The following CACNA1E variants were observed in gnomAD, a reference collection of about 807,000 sequenced individuals.
CACNA1E encodes voltage-dependent R-type calcium channel subunit alpha-1E.
In CACNA1E, 40 loss-of-function variants were observed where a neutral mutation model predicts 259.2. The observed-to-expected ratio is 0.15, with a 90% CI of 0.12 to 0.20. CACNA1E has a LOEUF of 0.20. Among genes scored for constraint, CACNA1E ranks in the 10% least tolerant of loss-of-function variants. The pLI is 1.00. For synonymous variants in CACNA1E, 1,104 were observed against 1,138.5 expected, an observed-to-expected ratio of 0.97 and a Z score of 0.61; for missense variants, 1,874 against 3,040.1, an observed-to-expected ratio of 0.62 and a Z score of 9.02.
intron 7 of CACNA1E, among the ~76,000 whole-genome samples, chr1:181,658,143 A>G (rs1659359676): frequency 6.6e-6 from 1 of 152,254 alleles, no homozygotes; most frequent in Admixed American, 6.5e-5. Context: ...TGTGGTGCCA[A>G]CAAAAGCCAC....
chr1:181,718,214 C>A, intron 12 of CACNA1E, 47 bp downstream of exon 12: 1 of 962,510 alleles, frequency 1.0e-6, no homozygotes, highest in Non-Finnish European at 1.7e-6. Context: ...TGTTGATATG[C>A]CCTGGTTTTA....
chr1:181,596,597 T>TGTGTGTGTGTGTGTGC (rs1553293354), intron 6 of CACNA1E, among the ~76,000 whole-genome samples: 1 of 144,636 alleles, frequency 6.9e-6, no homozygotes. Context: ...TGTGTGTGTG[T>TGTGTGTGTGTGTGTGC]ACACACACAT....
chr1:181,375,425 A>G (rs1039170872), intron 1 of CACNA1E, among the ~76,000 whole-genome samples: 3 of 152,150 alleles, frequency 2.0e-5, no homozygotes, highest in Non-Finnish European at 4.4e-5. Flanking sequence ...TTGAGCCAAG[A>G]CCTCTGGGGA....
At chr1:181,698,246 C>A (rs1378819481) in intron 7 of CACNA1E, among the ~76,000 whole-genome samples, 1 of 152,164 alleles carries the variant, frequency 6.6e-6, no homozygotes, top group African/African-American at 2.4e-5. Context: ...ATCCTTGATG[C>A]AAATGTCTGA....
intron 3 of CACNA1E, among the ~76,000 whole-genome samples, chr1:181,555,750 G>A (rs1011376540): frequency 1.2e-4 from 19 of 152,208 alleles, no homozygotes; most frequent in Admixed American, 7.9e-4. Flanking sequence ...ACAAGATGAT[G>A]TATTTATGTA....
At chr1:181,498,251 CTT>C (rs1465247826) in intron 1 of CACNA1E, among the ~76,000 whole-genome samples, 1 of 152,132 alleles carries the variant, frequency 6.6e-6, no homozygotes, top group Non-Finnish European at 1.5e-5. Flanking sequence ...CAGAAAGACT[CTT>C]ATATCCTGAT....
chr1:181,659,463 C>A (rs1181760853), intron 7 of CACNA1E, among the ~76,000 whole-genome samples: 1 of 152,218 alleles, frequency 6.6e-6, no homozygotes, highest in Admixed American at 6.5e-5. Context: ...CAAAGCAGGG[C>A]TGCATAAGCA....
At chr1:181,595,829 C>G (rs537622604) in intron 6 of CACNA1E, among the ~76,000 whole-genome samples, 2 of 152,312 alleles carry the variant, frequency 1.3e-5, no homozygotes, top group South Asian at 4.2e-4. Flanking sequence ...CTGCCTGCCA[C>G]TTGGCGCTAC....
At chr1:181,650,541 T>C (rs1000890666) in intron 6 of CACNA1E, among the ~76,000 whole-genome samples, 70 of 152,268 alleles carry the variant, frequency 4.6e-4, no homozygotes, top group Admixed American at 3.7e-3. Context: ...GTGGTACAGC[T>C]TTTAGAGAGA....
chr1:181,548,851 C>G (rs1647818553), intron 3 of CACNA1E, among the ~76,000 whole-genome samples: 1 of 152,176 alleles, frequency 6.6e-6, no homozygotes. Flanking sequence ...TTGGCTAAGC[C>G]TCTTCCTCTA....
chr1:181,755,488 T>C, intron 28 of CACNA1E, 91 bp downstream of exon 28: 1 of 968,340 alleles, frequency 1.0e-6, no homozygotes, highest in Non-Finnish European at 1.6e-6. Flanking sequence ...CCCTCCTTTC[T>C]ATCTTACCCA....
intron 25 of CACNA1E, among the ~76,000 whole-genome samples, chr1:181,749,798 T>C (rs1212212641): frequency 6.6e-6 from 1 of 152,258 alleles, no homozygotes; most frequent in East Asian, 1.9e-4. Flanking sequence ...CTGCACAGTA[T>C]GCTCACAATG....
chr1:181,721,733 T>C (rs376300476), intron 15 of CACNA1E, 25 bp from the exon 16 acceptor site: 170 of 1,490,580 alleles, frequency 1.1e-4, no homozygotes, highest in Non-Finnish European at 1.5e-4. Flanking sequence ...AGGTTTCTGA[T>C]GCGCCTGTCA....
chr1:181,498,530 C>G (rs560738639), intron 1 of CACNA1E, among the ~76,000 whole-genome samples: 2 of 152,246 alleles, frequency 1.3e-5, no homozygotes, highest in East Asian at 1.9e-4. Context: ...AGTAATTTCA[C>G]CAAAAATGGC....
At chr1:181,380,939 G>A (rs564393133) in intron 1 of CACNA1E, among the ~76,000 whole-genome samples, 79 of 152,322 alleles carry the variant, frequency 5.2e-4, no homozygotes, top group African/African-American at 1.8e-3. Flanking sequence ...AGGCCAAGGC[G>A]GGTGGATCAC....
rs555130729 is a variant in CACNA1E at position 181,735,340 on chromosome 1, G to A, written c.3263-935G>A. On this transcript the variant is annotated intron_variant, in intron 21 of 47. Coordinates refer to ENST00000367573, the MANE Select transcript of CACNA1E (RefSeq NM_001205293.3). ...TCTTTGGTCTTGGTCATAGGTAAAA[G>A]CATGTGATAGGAAGGCTTTTGGATA... is the stretch of plus-strand genomic sequence containing the variant. 7.9e-5 allele frequency among the ~76,000 whole-genome samples: 12 copies of A among 152,382 alleles called. No individual in the cohort carries two copies. In the South Asian group the frequency reaches 2.3e-3, roughly 29 times the overall value.
chr1:181,338,235 G>A lies in CACNA1E; in HGVS notation c.-15+20112G>A, dbSNP rs564120004. 8.1e-4 allele frequency among the ~76,000 whole-genome samples: 123 copies of A among 152,214 alleles called. 1 individual carries two copies. The highest frequency in any genetic ancestry group is 2.8e-3 in the African/African-American group (115 of 41,524). ...CAAGTAGCTGGGATTACAGGTGTGC[G>A]CCACTATACCTGGCTAATTTATATA... On this transcript the variant is annotated intron_variant, in intron 1 of 11. Transcript: ENST00000524607.
rs946940810 is a variant in CACNA1E at position 181,806,237 on chromosome 1, A to G, written c.*7403A>G. The stretch of plus-strand genomic sequence containing the variant: ...AATACCATGGGATGGGAGAAGGGCC[A>G]GTGAGTGGGATGGGAATGAGCTTCA... On this transcript the variant is annotated 3_prime_UTR_variant, in exon 48 of 48. Transcript: ENST00000367573. 1.3e-5 allele frequency: 2 copies of G among 152,296 alleles called. No homozygotes were observed. Among genetic ancestry groups the G allele is most frequent in the African/African-American group, 4.8e-5 (2 of 41,454 alleles). 9.4% of individuals were successfully genotyped at this position (152,296 alleles called of 1,614,324 possible).
chr1:181,717,307 G>A lies in CACNA1E; in HGVS notation c.1525+5G>A. 6.2e-7 allele frequency: 1 copy of A among 1,611,388 alleles called. No individual in the cohort carries two copies. Among genetic ancestry groups the A allele is most frequent in the Non-Finnish European group, 8.5e-7 (1 of 1,178,250 alleles). ...AGTGGCTCACCCACCTCCTCTGTAA[G>A]TAAAGCCTCTCTCTAAAGCCTCCTC... On this transcript the variant is annotated splice_donor_5th_base_variant and intron_variant, in intron 11 of 47. Coordinates refer to ENST00000367573, the MANE Select transcript of CACNA1E (RefSeq NM_001205293.3).
Sources: allele counts gnomAD v4.1 joint callset (sites outside exome capture counted in the v4.1 genomes callset), GRCh38; gene constraint gnomAD v4.1.1; transcripts MANE v1.5; gene names NCBI Gene and HGNC (gene_info 2026-07-23, HGNC 2026-07-21).